MCPH1: variants seen among roughly 807,000 people sequenced by gnomAD.
MCPH1 encodes the protein microcephalin.
In MCPH1, 104 loss-of-function variants were observed where a neutral mutation model predicts 84.5. That is an observed-to-expected ratio of 1.23 (90% confidence interval 1.05 to 1.45). The LOEUF is 1.45. Ranked by LOEUF, MCPH1 falls within the 40% of genes most tolerant of loss-of-function variation. The pLI, the probability that MCPH1 is intolerant of heterozygous loss-of-function variation, is 0.00. For missense variants in MCPH1, 1,498 were observed against 1,005.7 expected, an observed-to-expected ratio of 1.49 and a Z score of -6.62; for synonymous variants, 514 against 366.8, an observed-to-expected ratio of 1.40 and a Z score of -4.58.
chr8:6,620,035 A>G (rs1277055084), intron 12 of MCPH1: 1 of 152,170 alleles, frequency 6.6e-6, no homozygotes, highest in Non-Finnish European at 1.5e-5. Context: ...TGCCAAAGCA[A>G]ATCTCTTGCC....
chr8:6,492,522 G>A (rs2129561289), intron 11 of MCPH1, among the ~76,000 whole-genome samples: 1 of 151,710 alleles, frequency 6.6e-6, no homozygotes, highest in Non-Finnish European at 1.5e-5. Flanking sequence ...CATTGCATTT[G>A]GTGTTTTAGA....
intron 12 of MCPH1, among the ~76,000 whole-genome samples, chr8:6,547,757 C>G (rs776415100): frequency 1.3e-5 from 2 of 152,076 alleles, no homozygotes; most frequent in African/African-American, 4.8e-5. Context: ...CTGACTCACT[C>G]GGTGGGAACA....
At chr8:6,455,924 G>C (rs1315512555) in intron 9 of MCPH1, among the ~76,000 whole-genome samples, 1 of 152,122 alleles carries the variant, frequency 6.6e-6, no homozygotes, top group Non-Finnish European at 1.5e-5. Flanking sequence ...CGATTGAAAA[G>C]CAACAGATGA....
intron 9 of MCPH1, among the ~76,000 whole-genome samples, chr8:6,460,521 T>C (rs1806161058): frequency 6.6e-6 from 1 of 152,158 alleles, no homozygotes; most frequent in South Asian, 2.1e-4. Flanking sequence ...CTCTATTTGA[T>C]TTATAAAAAC....
intron 9 of MCPH1, among the ~76,000 whole-genome samples, chr8:6,475,331 T>C (rs1021748810): frequency 4.6e-5 from 7 of 152,232 alleles, no homozygotes; most frequent in African/African-American, 1.7e-4. Context: ...TGATGCTTTG[T>C]TCTCTAAACC....
At chr8:6,503,699 G>A (rs1480846356) in intron 12 of MCPH1, among the ~76,000 whole-genome samples, 1 of 152,188 alleles carries the variant, frequency 6.6e-6, no homozygotes, top group Non-Finnish European at 1.5e-5. Context: ...TTTTTCGGTT[G>A]AAGTTTAAAC....
intron 3 of MCPH1, among the ~76,000 whole-genome samples, chr8:6,422,054 T>C (rs1800283732): frequency 6.6e-6 from 1 of 152,244 alleles, no homozygotes; most frequent in Non-Finnish European, 1.5e-5. Flanking sequence ...TTATTCTCTG[T>C]CTCAGCTCCT....
chr8:6,556,111 G>C (rs1586604020), intron 12 of MCPH1, among the ~76,000 whole-genome samples: 1 of 152,074 alleles, frequency 6.6e-6, no homozygotes, highest in African/African-American at 2.4e-5. Context: ...GACTAACCAA[G>C]GGTGTCAACC....
chr8:6,440,534 A>G (rs1459181878), intron 6 of MCPH1, among the ~76,000 whole-genome samples: 2 of 152,160 alleles, frequency 1.3e-5, no homozygotes, highest in Admixed American at 1.3e-4. Context: ...TTATTGATAG[A>G]TATAGTCAAA....
At chr8:6,416,764 G>T (rs111671464) in intron 3 of MCPH1, among the ~76,000 whole-genome samples, 1,812 of 152,096 alleles carry the variant, frequency 0.012, 38 homozygotes, top group African/African-American at 0.042. Flanking sequence ...GAGGCCGAGG[G>T]GGGTGGATCA....
At chr8:6,612,841 A>G (rs576313519) in intron 12 of MCPH1, among the ~76,000 whole-genome samples, 2 of 152,352 alleles carry the variant, frequency 1.3e-5, no homozygotes, top group South Asian at 4.1e-4. Flanking sequence ...GCAAAGGCAG[A>G]GCGTGTGAGT....
intron 2 of MCPH1, among the ~76,000 whole-genome samples, chr8:6,410,088 G>C (rs1368490411): frequency 1.3e-5 from 2 of 152,028 alleles, no homozygotes; most frequent in African/African-American, 4.8e-5. Flanking sequence ...TCCTGCCTCA[G>C]CCTTCCAAGT....
At chr8:6,500,528 T>C (rs1272897852) in intron 12 of MCPH1, 1 of 154,020 alleles carries the variant, frequency 6.5e-6, no homozygotes, top group Middle Eastern at 3.4e-3. Flanking sequence ...AGCTGAAAGA[T>C]AAATGGTGAT....
chr8:6,632,717 G>A (rs984421325), intron 13 of MCPH1, among the ~76,000 whole-genome samples: 1 of 152,136 alleles, frequency 6.6e-6, no homozygotes. Flanking sequence ...GCTGAGGCAG[G>A]AGAATCACTT....
At chr8:6,443,362 G>C (rs1215624713) in intron 7 of MCPH1, among the ~76,000 whole-genome samples, 1 of 148,270 alleles carries the variant, frequency 6.7e-6, no homozygotes, top group Non-Finnish European at 1.5e-5. Flanking sequence ...AAAATTAAAA[G>C]TGACCTTATT....
At chr8:6,408,458 G>T (rs1301385498) in intron 1 of MCPH1, among the ~76,000 whole-genome samples, 1 of 152,088 alleles carries the variant, frequency 6.6e-6, no homozygotes, top group Non-Finnish European at 1.5e-5. Context: ...CTAGCCTCAA[G>T]CAATCCTCCC....
intron 13 of MCPH1, chr8:6,635,198 G>T (rs1797457328): frequency 6.6e-6 from 1 of 152,186 alleles, no homozygotes; most frequent in South Asian, 2.1e-4. Flanking sequence ...TGATAATGAG[G>T]CTCCGGTTGT....
intron 12 of MCPH1, among the ~76,000 whole-genome samples, chr8:6,572,252 AAAT>A (rs1826720205): frequency 6.6e-6 from 1 of 152,336 alleles, no homozygotes; most frequent in Admixed American, 6.5e-5. Context: ...TTTACGGAAA[AAAT>A]AATATGCGCT....
intron 12 of MCPH1, among the ~76,000 whole-genome samples, chr8:6,522,696 C>A (rs1247126463): frequency 6.6e-6 from 1 of 151,626 alleles, no homozygotes; most frequent in African/African-American, 2.4e-5. Context: ...ACTGCTTGAA[C>A]CCGGGAGGTG....
Sources: gnomAD v4.1 joint callset for allele counts (sites outside exome capture counted in the v4.1 genomes callset) on GRCh38, gnomAD v4.1.1 for gene constraint, MANE v1.5 for transcripts, NCBI Gene and HGNC (gene_info 2026-07-23, HGNC 2026-07-21) for gene names.